Variants in LRMDA observed in about 807,000 individuals in gnomAD.
LRMDA encodes leucine-rich melanocyte differentiation-associated protein.
Under a neutral mutation model 29.8 loss-of-function variants are expected in LRMDA, and 18 were observed. The observed-to-expected ratio is 0.60, with a 90% CI of 0.42 to 0.90. LRMDA has a LOEUF of 0.90. Among genes scored for constraint, LRMDA ranks in the 40% least tolerant of loss-of-function variants. LRMDA has a pLI of 0.00. For synonymous variants in LRMDA, 125 were observed against 109.4 expected (o/e 1.14, Z -0.89); for missense variants, 273 against 273.9 (o/e 1.00, Z 0.02).
chr10:76,236,900 A>G (rs1384937210), intron 5 of LRMDA, among the ~76,000 whole-genome samples: 2 of 152,272 alleles, frequency 1.3e-5, no homozygotes, highest in Non-Finnish European at 2.9e-5. Context: ...AGCAGCAACT[A>G]TAATTTCAAA....
chr10:76,345,194 G>C (rs1841090039), intron 6 of LRMDA, among the ~76,000 whole-genome samples: 1 of 147,944 alleles, frequency 6.8e-6, no homozygotes, highest in African/African-American at 2.5e-5. Context: ...AGCCTCCCGA[G>C]TAGCTGGGAC....
intron 2 of LRMDA, among the ~76,000 whole-genome samples, chr10:75,808,176 T>C (rs768560981): frequency 5.9e-5 from 9 of 152,214 alleles, no homozygotes; most frequent in South Asian, 2.1e-4. Context: ...GTCCCTGCCT[T>C]CTGGAGAAAT....
chr10:75,557,503 A>G (rs910126993), intron 2 of LRMDA, among the ~76,000 whole-genome samples: 3 of 152,140 alleles, frequency 2.0e-5, no homozygotes, highest in African/African-American at 7.2e-5. Context: ...ATGAAAACCC[A>G]TGTTCTAGCC....
chr10:76,165,071 C>T (rs1341386197), intron 5 of LRMDA, among the ~76,000 whole-genome samples: 2 of 152,242 alleles, frequency 1.3e-5, no homozygotes, highest in African/African-American at 4.8e-5. Flanking sequence ...CTCCCAGGTT[C>T]AAGCAATTCT....
intron 2 of LRMDA, among the ~76,000 whole-genome samples, chr10:75,958,541 G>T (rs937797178): frequency 4.0e-5 from 6 of 150,864 alleles, no homozygotes; most frequent in Non-Finnish European, 8.9e-5. Flanking sequence ...TCCTGGCCTG[G>T]AGCATCCCCT....
chr10:75,436,823 A>G (rs1476442874), intron 1 of LRMDA, among the ~76,000 whole-genome samples: 1 of 152,190 alleles, frequency 6.6e-6, no homozygotes, highest in Non-Finnish European at 1.5e-5. Context: ...CCCAGATAGA[A>G]TAGGGCCTTA....
chr10:76,010,589 G>A (rs555438177), intron 2 of LRMDA, among the ~76,000 whole-genome samples: 1 of 152,326 alleles, frequency 6.6e-6, no homozygotes, highest in East Asian at 1.9e-4. Flanking sequence ...TGGGATTACA[G>A]GCGTGAGCCA....
chr10:76,299,743 T>C (rs1173303278), intron 5 of LRMDA, among the ~76,000 whole-genome samples: 1 of 152,144 alleles, frequency 6.6e-6, no homozygotes, highest in Non-Finnish European at 1.5e-5. Flanking sequence ...CAATCTGCTG[T>C]CTTCATTTTC....
At chr10:75,483,325 A>G (rs1017924523) in intron 2 of LRMDA, among the ~76,000 whole-genome samples, 2 of 152,188 alleles carry the variant, frequency 1.3e-5, no homozygotes, top group Admixed American at 6.6e-5. Flanking sequence ...TTCATAGATA[A>G]TTTCTACATT....
chr10:75,689,776 T>C (rs1243046154), intron 2 of LRMDA, among the ~76,000 whole-genome samples: 1 of 152,158 alleles, frequency 6.6e-6, no homozygotes, highest in African/African-American at 2.4e-5. Flanking sequence ...TTCCAGTCTA[T>C]CATTTTCATC....
chr10:75,890,005 A>G (rs529631376), intron 2 of LRMDA, among the ~76,000 whole-genome samples: 1 of 152,334 alleles, frequency 6.6e-6, no homozygotes, highest in East Asian at 1.9e-4. Context: ...GGATGGTGGA[A>G]GAAAAGCCTG....
intron 6 of LRMDA, among the ~76,000 whole-genome samples, chr10:76,505,477 A>G (rs1842950417): frequency 6.6e-6 from 1 of 152,020 alleles, no homozygotes; most frequent in South Asian, 2.1e-4. Context: ...ATTTTTTAAA[A>G]AATTTTTATC....
At chr10:75,714,786 T>G in intron 2 of LRMDA, among the ~76,000 whole-genome samples, 1 of 152,046 alleles carries the variant, frequency 6.6e-6, no homozygotes, top group African/African-American at 2.4e-5. Flanking sequence ...CTCCTTCCCT[T>G]TCTCCCTTTT....
chr10:75,660,096 C>T (rs1165549613), intron 2 of LRMDA, among the ~76,000 whole-genome samples: 1 of 152,142 alleles, frequency 6.6e-6, no homozygotes, highest in Non-Finnish European at 1.5e-5. Flanking sequence ...TACACACACA[C>T]AGGCACACAC....
chr10:76,474,953 A>G (rs1012826032), intron 6 of LRMDA, among the ~76,000 whole-genome samples: 1 of 151,840 alleles, frequency 6.6e-6, no homozygotes, highest in African/African-American at 2.4e-5. Context: ...AAGAGTGGAA[A>G]TAATCTAAAT....
Position 75,917,431 on chromosome 10 carries a change from C to T in LRMDA, c.132-118577C>T, listed in dbSNP as rs181300965. ...CCCCAGGCCTGTGTTCTCCACTGAC[C>T]CCACAGCTGCATGGCCAGTAGGCCT... On this transcript the variant is annotated intron_variant, in intron 2 of 6. Transcript: ENST00000611255. 5.3e-5 allele frequency among the ~76,000 whole-genome samples: 8 copies of T among 152,308 alleles called. No homozygotes were observed. In the East Asian group the frequency reaches 1.5e-3, roughly 29 times the overall value.
intron 2 of LRMDA, among the ~76,000 whole-genome samples, chr10:75,715,712 T>C (rs538335045): frequency 3.3e-5 from 5 of 152,268 alleles, no homozygotes; most frequent in South Asian, 4.1e-4. Context: ...TTTGATCTAA[T>C]TGATAATTCA....
At chr10:76,397,926 C>G (rs1212181768) in intron 6 of LRMDA, among the ~76,000 whole-genome samples, 5 of 152,210 alleles carry the variant, frequency 3.3e-5, no homozygotes, top group African/African-American at 1.2e-4. Flanking sequence ...TATATTGCCA[C>G]TCCTAGAGCA....
chr10:76,444,396 G>T (rs770229601), intron 6 of LRMDA, among the ~76,000 whole-genome samples: 2 of 152,170 alleles, frequency 1.3e-5, no homozygotes, highest in Non-Finnish European at 2.9e-5. Context: ...AATGAGAGCT[G>T]GGCTCGAGCC....
Sources: gnomAD v4.1 joint callset for allele counts (sites outside exome capture counted in the v4.1 genomes callset) on GRCh38, gnomAD v4.1.1 for gene constraint, MANE v1.5 for transcripts, NCBI Gene and HGNC (gene_info 2026-07-23, HGNC 2026-07-21) for gene names.